The following ERICH6 variants were observed in gnomAD, a reference collection of about 807,000 sequenced individuals.
ERICH6 encodes the protein glutamate rich 6.
A neutral mutation model predicts 71.0 loss-of-function variants in ERICH6; 71 were observed. That is an observed-to-expected ratio of 1.00 (90% CI 0.83 to 1.22). The LOEUF (loss-of-function observed/expected upper bound fraction) is 1.22. Ranked by LOEUF, ERICH6 falls within the 50% of genes most tolerant of loss-of-function variation. ERICH6 has a pLI of 0.00. For synonymous variants in ERICH6, 262 were observed against 278.4 expected, an observed-to-expected ratio of 0.94 and a Z score of 0.59; for missense variants, 808 against 797.2, an observed-to-expected ratio of 1.01 and a Z score of -0.16.
intron 3 of ERICH6, among the ~76,000 whole-genome samples, chr3:150,693,625 C>CT (rs57175600): frequency 1.1e-3 from 169 of 151,472 alleles, no homozygotes; most frequent in Non-Finnish European, 1.5e-3. Flanking sequence ...AAAATAATTA[C>CT]TTTTTTTTTA....
intron 10 of ERICH6, among the ~76,000 whole-genome samples, chr3:150,675,201 G>C (rs78027915): frequency 0.024 from 3,646 of 152,234 alleles, 174 homozygotes; most frequent in African/African-American, 0.082. Context: ...TTTTACTTCT[G>C]TGAAATTTTG....
At chr3:150,685,391 A>G (rs1282055205) in intron 6 of ERICH6, among the ~76,000 whole-genome samples, 1 of 152,212 alleles carries the variant, frequency 6.6e-6, no homozygotes, top group African/African-American at 2.4e-5. Context: ...GGAGTGATGC[A>G]GCTGCAAGCC....
At chr3:150,700,665 C>A (rs932268573) in intron 2 of ERICH6, among the ~76,000 whole-genome samples, 3 of 151,984 alleles carry the variant, frequency 2.0e-5, no homozygotes, top group Non-Finnish European at 2.9e-5. Context: ...CTCACTGCAA[C>A]CTCCACCTCC....
intron 13 of ERICH6, among the ~76,000 whole-genome samples, chr3:150,661,174 A>G (rs72616688): frequency 0.11 from 17,467 of 152,224 alleles, 1,462 homozygotes; most frequent in East Asian, 0.46. Context: ...GACCATATGC[A>G]TATAGAGAGA....
rs1713033475 is a variant in ERICH6 at position 150,703,659 on chromosome 3, C to G, written c.240G>C (p.Lys80Asn). The G allele has an allele frequency of 6.2e-7, 1 of 1,613,802 alleles. No individual in the cohort carries two copies. The highest frequency in any genetic ancestry group is 8.5e-7 in the Non-Finnish European group (1 of 1,179,914). The change falls in exon 1 of 14, where the codon AAG becomes AAC. Residue 80 changes from lysine (K) to asparagine (N), a missense_variant. This residue lies in a region of ERICH6 where 736 missense variants were observed against 712.2 expected (regional missense o/e 1.03). Coordinates refer to ENST00000295910, the MANE Select transcript of ERICH6 (RefSeq NM_152394.5). ...CGTCGTAGTCACCGATGTCCGTGAC[C>G]TTCCAGAGGTACTCTTCGCTGAACG... is the stretch of plus-strand genomic sequence containing the variant. ...PETFSEEYLW[K>N]VTDIGDYDDD...
intron 9 of ERICH6, among the ~76,000 whole-genome samples, chr3:150,679,812 C>CTGT (rs1711824388): frequency 6.6e-6 from 1 of 152,156 alleles, no homozygotes; most frequent in East Asian, 1.9e-4. Flanking sequence ...CGCCTGCCAC[C>CTGT]ATGCCCAGCT....
intron 10 of ERICH6, 78 bp downstream of exon 10, chr3:150,678,331 C>T: frequency 7.1e-7 from 1 of 1,403,272 alleles, no homozygotes; most frequent in Non-Finnish European, 9.5e-7. Flanking sequence ...TGTAGCCAAG[C>T]TTCATGAAAG....
intron 7 of ERICH6, among the ~76,000 whole-genome samples, chr3:150,681,671 T>A (rs79178134): frequency 0.035 from 5,346 of 152,280 alleles, 350 homozygotes; most frequent in African/African-American, 0.12. Context: ...CAGCAGTACA[T>A]GTGGGTTCTA....
chr3:150,670,106 G>A (rs555739851), intron 11 of ERICH6, among the ~76,000 whole-genome samples: 24 of 152,064 alleles, frequency 1.6e-4, no homozygotes, highest in African/African-American at 4.6e-4. Flanking sequence ...ATACTTAATG[G>A]TGAAAGATTT....
chr3:150,669,409 C>T lies in ERICH6; in HGVS notation c.1386G>A (p.Lys462=), dbSNP rs777833032. ...GGACTATACAAGTAAAACCATTTAC[C>T]TTGTTGGGCACTCGAATGATGGCTA... is the stretch of plus-strand genomic sequence containing the variant. ...GNLAIIRVPN[K]VNGFTCIVQE... The change falls in exon 12 of 14, where the codon AAG becomes AAA. Residue 462 remains lysine, a synonymous_variant. Transcript: ENST00000295910. 6.2e-7 allele frequency: 1 copy of T among 1,613,556 alleles called. No homozygotes were observed. The highest frequency in any genetic ancestry group is 8.5e-7 in the Non-Finnish European group (1 of 1,179,814).
At position 150,672,717 on chromosome 3, in the gene ERICH6, C is replaced by CA. The variant is rs945307665; in HGVS notation, c.1343+1238dup. Among the ~76,000 whole-genome samples, 12 of 150,552 alleles carry CA rather than the reference C, an allele frequency of 8.0e-5. No individual in the cohort carries two copies. The South Asian group carries it at 1.0e-3, about 13-fold the overall frequency. ...CCATAGGAATTGTGTTCAGAATAGC[C>CA]AAAAAAACATATATTTTTAAATGCT... On this transcript the variant is annotated intron_variant, in intron 11 of 13. Coordinates refer to ENST00000295910, the MANE Select transcript of ERICH6 (RefSeq NM_152394.5).
chr3:150,678,426 G>A lies in ERICH6; in HGVS notation c.1240C>T (p.Arg414Trp), dbSNP rs759886862. ...TTCATTACCTTTCCACATGCTATCC[G>A]AGAATCACAACAAATGATAGACATG... ...SNMSIICCDS[R>W]IACGKVVRNE... The change falls in exon 10 of 14, where the codon CGG becomes TGG. Residue 414 changes from arginine to tryptophan, a missense_variant. Physicochemically the swap from Arg to Trp is moderately radical, Grantham distance 101. Around this residue, in one of 3 missense-constraint regions of ERICH6, gnomAD observed 736 missense variants for 712.2 expected, o/e 1.03. Coordinates refer to ENST00000295910, the MANE Select transcript of ERICH6 (RefSeq NM_152394.5). 2.5e-5 allele frequency: 40 copies of A among 1,573,714 alleles called. No homozygotes were observed. In the East Asian group the frequency reaches 6.5e-4, roughly 26 times the overall value.
At position 150,667,001 on chromosome 3, in the gene ERICH6, A is replaced by G. The variant is rs1727444474; in HGVS notation, c.1514T>C (p.Ile505Thr). The change falls in exon 13 of 14, where the codon ATC (isoleucine) becomes ACC (threonine). Residue 505 changes from isoleucine (I) to threonine (T), a missense_variant. By Grantham distance (89) the Ile-to-Thr change is moderately conservative. Transcript: ENST00000295910. ...PNGNVWVYIN[I>T]LGGQYSDQAG... ...TTGATCTGAATATTGACCTCCCAAG[A>G]TATTGATGTATACCCTGGTCAGGAA... The G allele has an allele frequency of 6.2e-7, 1 of 1,613,838 alleles. No individual in the cohort carries two copies. Among genetic ancestry groups the G allele is most frequent in the East Asian group, 2.2e-5 (1 of 44,860 alleles).
intron 10 of ERICH6, among the ~76,000 whole-genome samples, chr3:150,675,346 T>C (rs1235498607): frequency 6.6e-6 from 1 of 152,132 alleles, no homozygotes; most frequent in Admixed American, 6.6e-5. Context: ...CTCTTATCTT[T>C]ATCTCACACT....
chr3:150,698,773 A>G lies in ERICH6; in HGVS notation c.553+18T>C. 6.2e-7 allele frequency: 1 copy of G among 1,603,050 alleles called. No homozygotes were observed. The highest frequency in any genetic ancestry group is 8.5e-7 in the Non-Finnish European group (1 of 1,170,164). The stretch of plus-strand genomic sequence containing the variant: ...CAATCCCTCCTCCCAGGAAAAGCTA[A>G]GAAATCAAACTACTCACTCGATTGC... On this transcript the variant is annotated intron_variant, in intron 3 of 13. Coordinates refer to ENST00000295910, the MANE Select transcript of ERICH6 (RefSeq NM_152394.5).
chr3:150,694,216 A>G (rs1486599617), intron 3 of ERICH6, among the ~76,000 whole-genome samples: 8 of 152,150 alleles, frequency 5.3e-5, no homozygotes, highest in Admixed American at 5.2e-4. Context: ...ATTATTTTCT[A>G]AAATGCTTTC....
At chr3:150,702,833 T>C (rs1339363427) in intron 1 of ERICH6, among the ~76,000 whole-genome samples, 1 of 150,516 alleles carries the variant, frequency 6.6e-6, no homozygotes, top group African/African-American at 2.4e-5. Context: ...TTTTTTTTTT[T>C]GCAGGACTGT....
chr3:150,702,070 G>A (rs1712893649), intron 2 of ERICH6, 51 bp downstream of exon 2: 6 of 1,208,458 alleles, frequency 5.0e-6, no homozygotes, highest in Non-Finnish European at 7.1e-6. Flanking sequence ...TTATCCAAAA[G>A]GTAAACATTA....
intron 8 of ERICH6, 116 bp from the exon 9 acceptor site, chr3:150,680,654 T>C: frequency 1.3e-6 from 2 of 1,559,026 alleles, no homozygotes; most frequent in African/African-American, 1.4e-5. Context: ...TGTTATTACT[T>C]GTGAATCTAG....
Sources: gnomAD v4.1 joint callset for allele counts (sites outside exome capture counted in the v4.1 genomes callset) on GRCh38, gnomAD v4.1.1 for gene constraint, gnomAD v4.1.1 regional missense constraint, MANE v1.5 for transcripts, NCBI Gene and HGNC (gene_info 2026-07-23, HGNC 2026-07-21) for gene names.